PTPRN2: variants seen among roughly 807,000 people sequenced by gnomAD.
PTPRN2 encodes the protein protein tyrosine phosphatase receptor type N2, also known as receptor-type tyrosine-protein phosphatase N2.
PTPRN2 carries 74 observed loss-of-function variants against 118.8 expected under a neutral mutation model. The observed-to-expected ratio is 0.62, with a 90% CI of 0.52 to 0.76. PTPRN2 has a LOEUF of 0.76. Among genes scored for constraint, PTPRN2 ranks in the 30% least tolerant of loss-of-function variants. The pLI is 0.00. For missense variants in PTPRN2, 1,481 were observed against 1,394.4 expected, an observed-to-expected ratio of 1.06 and a Z score of -0.99; for synonymous variants, 641 against 608.0, an observed-to-expected ratio of 1.05 and a Z score of -0.80.
chr7:158,152,326 A>T (rs923752504), intron 6 of PTPRN2, among the ~76,000 whole-genome samples: 12 of 152,176 alleles, frequency 7.9e-5, no homozygotes, highest in African/African-American at 2.9e-4. Context: ...GTGAAGTTTC[A>T]GCAGAGGCCT....
intron 1 of PTPRN2, among the ~76,000 whole-genome samples, chr7:158,571,830 T>C (rs1460415473): frequency 6.6e-6 from 1 of 152,170 alleles, no homozygotes; most frequent in Admixed American, 6.5e-5. Flanking sequence ...TAAATAAATA[T>C]CCACGGAATA....
chr7:158,570,567 G>A lies in PTPRN2; in HGVS notation c.112+16991C>T, dbSNP rs1285016025. ...CTCTGCCACTGAAGCCTCTCCCTGT[G>A]TCCTCCGTGCCCCCCGAGTGGCCTG... is the stretch of plus-strand genomic sequence containing the variant. On this transcript the variant is annotated intron_variant, in intron 1 of 22. Transcript: ENST00000389418. The surrounding 1 kb of genome is among the most constrained non-coding windows in gnomAD (Gnocchi z 4.5). Among the ~76,000 whole-genome samples the A allele has an allele frequency of 6.6e-6, 1 of 152,098 alleles. No homozygotes were observed. The highest frequency in any genetic ancestry group is 1.5e-5 in the Non-Finnish European group (1 of 68,028).
Position 158,093,801 on chromosome 7 carries a change from AAG to A in PTPRN2, c.1644-12426_1644-12425del, listed in dbSNP as rs1197870613. The stretch of plus-strand genomic sequence containing the variant: ...AATAACTTCCCAAAATATCTAGCCT[AAG>A]AGCTTACAAAGGAGGAAGAAGAGAG... On this transcript the variant is annotated intron_variant, in intron 10 of 22. Coordinates refer to ENST00000389418, the MANE Select transcript of PTPRN2 (RefSeq NM_002847.5). This position sits in a 1 kb window ranked among gnomAD's most constrained non-coding sequence, Gnocchi z 4.4. 6.6e-6 allele frequency among the ~76,000 whole-genome samples: 1 copy of A among 152,202 alleles called. No individual in the cohort carries two copies. The highest frequency in any genetic ancestry group is 6.5e-5 in the Admixed American group (1 of 15,286).
At position 157,609,116 on chromosome 7, in the gene PTPRN2, C is replaced by T. The variant is rs1240108594; in HGVS notation, c.2345-5041G>A. 3.3e-5 allele frequency among the ~76,000 whole-genome samples: 5 copies of T among 152,212 alleles called. No individual in the cohort carries two copies. The highest frequency in any genetic ancestry group is 9.6e-5 in the African/African-American group (4 of 41,452). ...CAATATTTCAGGCCGGCCGCGGTGGCTCACACCTATAATCCCAGTACTTTG... is the reference window on the plus strand; with the variant it reads ...CAATATTTCAGGCCGGCCGCGGTGGTTCACACCTATAATCCCAGTACTTTG... On this transcript the variant is annotated intron_variant, in intron 15 of 22. Transcript: ENST00000389418. This position sits in a 1 kb window ranked among gnomAD's most constrained non-coding sequence, Gnocchi z 4.9.
At chr7:158,010,250 C>G (rs1805947283) in intron 11 of PTPRN2, among the ~76,000 whole-genome samples, 3 of 152,172 alleles carry the variant, frequency 2.0e-5, no homozygotes, top group Admixed American at 1.3e-4. Context: ...CCAGGTCCGT[C>G]CTTTCCTTCC....
intron 12 of PTPRN2, among the ~76,000 whole-genome samples, chr7:157,878,761 C>T (rs1305892768): frequency 2.6e-4 from 31 of 121,026 alleles, no homozygotes; most frequent in Non-Finnish European, 5.0e-4. Context: ...AGTGTGATAC[C>T]GTGCACCCAC....
At chr7:157,840,016 G>C (rs908857559) in intron 12 of PTPRN2, among the ~76,000 whole-genome samples, 1 of 151,670 alleles carries the variant, frequency 6.6e-6, no homozygotes, top group African/African-American at 2.4e-5. Context: ...GTGTGTGACT[G>C]TGTGACTGTG....
chr7:157,635,357 G>C (rs1287535308), intron 14 of PTPRN2, among the ~76,000 whole-genome samples: 1 of 152,260 alleles, frequency 6.6e-6, no homozygotes, highest in Non-Finnish European at 1.5e-5. Flanking sequence ...TCCAAGGCTG[G>C]TCATGTGTGC....
At chr7:158,329,845 T>A (rs1456993920) in intron 2 of PTPRN2, among the ~76,000 whole-genome samples, 3 of 152,124 alleles carry the variant, frequency 2.0e-5, no homozygotes, top group African/African-American at 7.2e-5. Flanking sequence ...GAGACTCACT[T>A]TCACTTTAGA....
rs956814891 is a variant in PTPRN2, at chr7:157,780,433, C to T, written c.1789-97496G>A. Among the ~76,000 whole-genome samples, 7 of 152,176 alleles carry T rather than the reference C, an allele frequency of 4.6e-5. No individual in the cohort carries two copies. The highest frequency in any genetic ancestry group is 4.1e-4 in the South Asian group (2 of 4,820). ...AGGAGTGTGAAGGAGGCTTGGCTGGCGGAGGGGCCGTGCTGCTGGATCAGA... is the reference window on the plus strand; with the variant it reads ...AGGAGTGTGAAGGAGGCTTGGCTGGTGGAGGGGCCGTGCTGCTGGATCAGA... On this transcript the variant is annotated intron_variant, in intron 12 of 22. Transcript: ENST00000389418. This position sits in a 1 kb window ranked among gnomAD's most constrained non-coding sequence, Gnocchi z 4.5.
intron 22 of PTPRN2, among the ~76,000 whole-genome samples, chr7:157,544,061 G>A (rs377521091): frequency 7.2e-5 from 11 of 151,872 alleles, no homozygotes; most frequent in South Asian, 6.3e-4. Context: ...GGAGAGAGAC[G>A]GAGAGAGGTG....
intron 4 of PTPRN2, among the ~76,000 whole-genome samples, chr7:158,204,638 TG>T (rs1425084926): frequency 6.6e-6 from 1 of 152,220 alleles, no homozygotes; most frequent in Admixed American, 6.5e-5. Context: ...AACCTCCCTA[TG>T]ACTCAATTTC....
intron 3 of PTPRN2, among the ~76,000 whole-genome samples, chr7:158,253,894 GCCCACGGCACGAC>G (rs1796855228): frequency 9.0e-6 from 1 of 110,736 alleles, no homozygotes; most frequent in African/African-American, 3.9e-5. Flanking sequence ...CAGAGCCACT[GCCCACGGCACGAC>G]CCGCCCTCCA....
At chr7:158,230,577 T>G (rs1829101057) in intron 3 of PTPRN2, among the ~76,000 whole-genome samples, 1 of 152,166 alleles carries the variant, frequency 6.6e-6, no homozygotes, top group Non-Finnish European at 1.5e-5. Context: ...TATTCTTTTG[T>G]GATCTCAGTT....
At chr7:157,932,719 A>T (rs562248363) in intron 11 of PTPRN2, among the ~76,000 whole-genome samples, 13 of 149,742 alleles carry the variant, frequency 8.7e-5, no homozygotes, top group African/African-American at 3.2e-4. Flanking sequence ...GTTTAAGAGG[A>T]GGGGTGAGTC....
chr7:158,189,906 G>A (rs892315916), intron 5 of PTPRN2, among the ~76,000 whole-genome samples: 15 of 152,162 alleles, frequency 9.9e-5, no homozygotes, highest in Admixed American at 6.5e-4. Context: ...ACGTTCAAGA[G>A]GGTGGGAGAA....
intron 11 of PTPRN2, among the ~76,000 whole-genome samples, chr7:157,979,308 T>C (rs1802964517): frequency 6.7e-6 from 1 of 148,796 alleles, no homozygotes. Flanking sequence ...TAGAAAGACA[T>C]GCTAACTCTC....
chr7:157,908,571 G>A (rs1281568557), intron 11 of PTPRN2, among the ~76,000 whole-genome samples: 3 of 152,180 alleles, frequency 2.0e-5, no homozygotes, highest in African/African-American at 4.8e-5. Context: ...GAGGCGCCCC[G>A]CAGCACCCCA....
chr7:157,555,507 C>A (rs1382458617), intron 21 of PTPRN2, among the ~76,000 whole-genome samples: 1 of 152,198 alleles, frequency 6.6e-6, no homozygotes, highest in Non-Finnish European at 1.5e-5. Flanking sequence ...ACCACATCCT[C>A]CCAGTAAACA....
Sources: gnomAD v4.1 joint callset for allele counts (sites outside exome capture counted in the v4.1 genomes callset) on GRCh38, gnomAD v4.1.1 for gene constraint, Gnocchi (gnomAD v3.1) non-coding constraint, MANE v1.5 for transcripts, NCBI Gene and HGNC (gene_info 2026-07-23, HGNC 2026-07-21) for gene names.